Variants in FCRL4 observed in about 807,000 individuals in gnomAD.
FCRL4 encodes the protein Fc receptor-like protein 4.
In FCRL4, 43 loss-of-function variants were observed where a neutral mutation model predicts 64.1. That is an observed-to-expected ratio of 0.67 (90% CI 0.53 to 0.87). The LOEUF (loss-of-function observed/expected upper bound fraction) is 0.87. Among genes scored for constraint, FCRL4 ranks in the 40% least tolerant of loss-of-function variants. The pLI is 0.00. For synonymous variants in FCRL4, 253 were observed against 239.8 expected, an observed-to-expected ratio of 1.05 and a Z score of -0.51; for missense variants, 656 against 613.5, an observed-to-expected ratio of 1.07 and a Z score of -0.73.
intron 2 of FCRL4, among the ~76,000 whole-genome samples, chr1:157,592,897 T>C (rs1225506013): frequency 6.6e-6 from 1 of 152,232 alleles, no homozygotes; most frequent in African/African-American, 2.4e-5. Context: ...CATGGAATAC[T>C]ATGCAGCCAT....
chr1:157,594,161 C>T (rs1652905192), intron 2 of FCRL4, among the ~76,000 whole-genome samples: 1 of 152,174 alleles, frequency 6.6e-6, no homozygotes, highest in African/African-American at 2.4e-5. Context: ...AAAAGTCAGT[C>T]CCAATGCTCT....
intron 10 of FCRL4, 76 bp from the exon 11 acceptor site, chr1:157,575,806 A>G (rs924809235): frequency 4.3e-6 from 6 of 1,410,572 alleles, no homozygotes; most frequent in East Asian, 2.3e-5. Context: ...CTGATGCCCT[A>G]GAGTCTGAGA....
At chr1:157,591,777 C>T (rs1407268450) in intron 2 of FCRL4, among the ~76,000 whole-genome samples, 1 of 152,124 alleles carries the variant, frequency 6.6e-6, no homozygotes, top group African/African-American at 2.4e-5. Context: ...ATTCTCCCTG[C>T]CAAAAGTAAG....
intron 1 of FCRL4, among the ~76,000 whole-genome samples, chr1:157,596,601 A>G (rs1002311204): frequency 2.0e-5 from 3 of 152,204 alleles, no homozygotes; most frequent in Non-Finnish European, 2.9e-5. Context: ...TTCTCATTTG[A>G]AAAATGAGGC....
chr1:157,589,673 G>T (rs1652792322), intron 2 of FCRL4, among the ~76,000 whole-genome samples: 1 of 152,216 alleles, frequency 6.6e-6, no homozygotes, highest in Admixed American at 6.5e-5. Context: ...CTTTCAGAGG[G>T]GGGGCAGCCC....
At chr1:157,575,871 C>T (rs1652398385) in intron 10 of FCRL4, 141 bp from the exon 11 acceptor site, 2 of 786,310 alleles carry the variant, frequency 2.5e-6, no homozygotes, top group East Asian at 2.4e-5. Context: ...ACATGTCCTG[C>T]AATACATATG....
chr1:157,589,279 G>A lies in FCRL4; in HGVS notation c.232C>T (p.Arg78Trp), dbSNP rs768413114. 16 of 1,614,160 alleles carry A rather than the reference G, an allele frequency of 9.9e-6. 2 individuals carry two copies. Among genetic ancestry groups the A allele is most frequent in the Admixed American group, 5.0e-5 (3 of 60,020 alleles). Residue 78 changes from arginine to tryptophan, a missense_variant, in exon 3 of 12, where the codon CGG (arginine) becomes TGG (tryptophan). Arg to Trp is a moderately radical substitution (Grantham distance 101). Transcript: ENST00000271532. ...TLTPGNTLEV[R>W]ESGLYRCQAR... is the part of the protein sequence containing the mutation. Reference sequence around the variant, plus strand: ...TGGCATCTGTACAGTCCAGATTCCCGAACCTCGAGGGTGTTTCCTGGGGTC... The same window carrying A: ...TGGCATCTGTACAGTCCAGATTCCCAAACCTCGAGGGTGTTTCCTGGGGTC...
At chr1:157,587,138 T>C in intron 5 of FCRL4, 138 bp downstream of exon 5, 3 of 896,152 alleles carry the variant, frequency 3.3e-6, no homozygotes, top group South Asian at 3.5e-5. Flanking sequence ...TTTCTTTTAT[T>C]ATAGTACTGC....
Position 157,586,803 on chromosome 1 carries a change from C to A in FCRL4, c.848-348G>T, listed in dbSNP as rs151265300. 5.1e-4 allele frequency among the ~76,000 whole-genome samples: 78 copies of A among 152,286 alleles called. 1 individual carries two copies. Among genetic ancestry groups the A allele is most frequent in the Admixed American group, 4.3e-3 (66 of 15,300 alleles). On this transcript the variant is annotated intron_variant, in intron 5 of 11. Transcript: ENST00000271532. ...CTGGACCACATCTGTTTTCAAAAGT[C>A]ATAATTTTGTACCTAAGTGATATTT...
At chr1:157,586,551 CAA>C (rs1248689068) in intron 5 of FCRL4, 96 bp from the exon 6 acceptor site, 2 of 1,068,466 alleles carry the variant, frequency 1.9e-6, no homozygotes, top group African/African-American at 3.2e-5. Context: ...TATGTGACTT[CAA>C]GATATACTCT....
intron 6 of FCRL4, among the ~76,000 whole-genome samples, chr1:157,584,288 CT>C (rs1410129423): frequency 1.3e-5 from 2 of 152,124 alleles, no homozygotes; most frequent in African/African-American, 2.4e-5. Context: ...TTCCTCTCCC[CT>C]AATCTGATTC....
At chr1:157,585,904 T>C (rs889752599) in intron 6 of FCRL4, among the ~76,000 whole-genome samples, 3 of 151,822 alleles carry the variant, frequency 2.0e-5, no homozygotes, top group African/African-American at 7.3e-5. Context: ...CTCTTGGAGA[T>C]AAACACACAA....
intron 2 of FCRL4, among the ~76,000 whole-genome samples, chr1:157,593,593 G>T (rs1438017484): frequency 2.0e-5 from 3 of 152,142 alleles, no homozygotes; most frequent in African/African-American, 7.2e-5. Flanking sequence ...GGCTGTATGA[G>T]GGGGTGGAAT....
At chr1:157,594,366 C>T (rs1652910259) in intron 2 of FCRL4, among the ~76,000 whole-genome samples, 1 of 152,226 alleles carries the variant, frequency 6.6e-6, no homozygotes, top group African/African-American at 2.4e-5. Context: ...GACAGCTTCA[C>T]TTCCCTTCTC....
At chr1:157,580,716 C>T (rs1358590983) in intron 7 of FCRL4, among the ~76,000 whole-genome samples, 1 of 152,182 alleles carries the variant, frequency 6.6e-6, no homozygotes, top group East Asian at 1.9e-4. Flanking sequence ...TCTGACTCAG[C>T]CCCACTAAGG....
intron 6 of FCRL4, among the ~76,000 whole-genome samples, chr1:157,582,470 C>G (rs2795032): frequency 0.98 from 148,748 of 152,304 alleles, 72,648 homozygotes; most frequent in East Asian, 1. Flanking sequence ...AAAAGCATGA[C>G]AGAGGGACAG....
rs976605141 is a variant in FCRL4 at position 157,580,869 on chromosome 1, T to A, written c.1250-521A>T. ...TAATTATTCTAGAGCTGAAAAAGGT[T>A]CTGCTCCTGTCTTCTACACCAGGTT... On this transcript the variant is annotated intron_variant, in intron 7 of 11. Transcript: ENST00000271532. 3.3e-5 allele frequency among the ~76,000 whole-genome samples: 5 copies of A among 152,222 alleles called. No individual in the cohort carries two copies. In the East Asian group the frequency reaches 9.6e-4, roughly 29 times the overall value.
intron 2 of FCRL4, among the ~76,000 whole-genome samples, chr1:157,590,268 T>A (rs971237777): frequency 6.6e-6 from 1 of 150,766 alleles, no homozygotes; most frequent in Admixed American, 6.6e-5. Flanking sequence ...AGAGTTTGAG[T>A]TTTTTTTCAG....
At position 157,575,479 on chromosome 1, in the gene FCRL4, G is replaced by A. The variant is rs903442907; in HGVS notation, c.*45C>T. ...GCACTGGGCCTGGGACTTTGGACAA[G>A]GGAGAAATCACATGAGTAGGACGTT... On this transcript the variant is annotated 3_prime_UTR_variant, in exon 12 of 12. Transcript: ENST00000271532. 12 of 1,469,030 alleles carry A rather than the reference G, an allele frequency of 8.2e-6. No individual in the cohort carries two copies. In the Admixed American group the frequency reaches 1.0e-4, roughly 13 times the overall value. 91.0% of individuals were successfully genotyped at this position (1,469,030 alleles called of 1,614,324 possible).
Sources: gnomAD v4.1 joint callset for allele counts (sites outside exome capture counted in the v4.1 genomes callset) on GRCh38, gnomAD v4.1.1 for gene constraint, MANE v1.5 for transcripts, NCBI Gene and HGNC (gene_info 2026-07-23, HGNC 2026-07-21) for gene names.